The following DMD variants were observed in gnomAD, a reference collection of about 807,000 sequenced individuals.
DMD encodes the protein mutant dystrophin.
A neutral mutation model predicts 330.1 loss-of-function variants in DMD; 63 were observed. The ratio of observed to expected loss-of-function variants is 0.19; its 90% CI spans 0.16 to 0.24. The LOEUF (loss-of-function observed/expected upper bound fraction) is 0.24, where lower values mean the gene tolerates loss of function less well. DMD is among the 10% of genes least tolerant of loss of function. The pLI is 1.00. For missense variants in DMD, 3,344 were observed against 2,684.1 expected, an observed-to-expected ratio of 1.25 and a Z score of -5.43; for synonymous variants, 1,223 against 959.8, an observed-to-expected ratio of 1.27 and a Z score of -5.07.
At chrX:33,263,822 G>A (rs60055566) in intron 1 of DMD, among the ~76,000 whole-genome samples, 219 of 110,394 alleles carry the variant, frequency 2.0e-3, no homozygotes, top group African/African-American at 6.9e-3. Context: ...TGCTTTGCAC[G>A]TCTGGGAAAC....
rs2076125938 is a variant in DMD, at chrX:31,576,837, C to T, written c.8217+50836G>A. 6.5e-5 allele frequency among the ~76,000 whole-genome samples: 7 copies of T among 108,346 alleles called. No homozygotes were observed. In the South Asian group the frequency reaches 2.8e-3, roughly 44 times the overall value. The allele number at this position is 108,346 out of a possible 115,157, so 94.1% of individuals were successfully genotyped here. A position where few individuals can be genotyped will look rare whatever the true frequency, so the allele number is the denominator to read the frequency against. ...AATCTTGGCTCACTGCAAGCTCTGC[C>T]TCCTGAGTAGTGGGACTACAGGCGC... On this transcript the variant is annotated intron_variant, in intron 55 of 78. Coordinates refer to ENST00000357033, the MANE Select transcript of DMD (RefSeq NM_004006.3).
chrX:31,307,689 T>A (rs1379957380), intron 62 of DMD, among the ~76,000 whole-genome samples: 5 of 112,121 alleles, frequency 4.5e-5, no homozygotes, highest in African/African-American at 1.6e-4. Context: ...TTTGTATGTG[T>A]CTGGTAATGA....
chrX:32,331,256 C>G (rs2097677976), intron 41 of DMD, among the ~76,000 whole-genome samples: 1 of 111,536 alleles, frequency 9.0e-6, no homozygotes, highest in Admixed American at 9.6e-5. Context: ...TCCATAGTCA[C>G]AATGAGAAGT....
intron 2 of DMD, among the ~76,000 whole-genome samples, chrX:32,924,450 A>C (rs1307647003): frequency 9.0e-6 from 1 of 111,504 alleles, no homozygotes. Flanking sequence ...ATCTGAGCCC[A>C]GGAATTCAAG....
intron 62 of DMD, among the ~76,000 whole-genome samples, chrX:31,293,181 T>TGTGTGTGTGTGTAGTCTGGTTTA: frequency 1.1e-5 from 1 of 87,958 alleles, no homozygotes; most frequent in Admixed American, 1.3e-4. Context: ...TGTGTGTGTG[T>TGTGTGTGTGTGTAGTCTGGTTTA]GTGTGTGTGT....
chrX:32,382,247 A>T (rs888969089), intron 33 of DMD, among the ~76,000 whole-genome samples: 14 of 111,553 alleles, frequency 1.3e-4, no homozygotes, highest in African/African-American at 4.2e-4. Flanking sequence ...GATTAATTTC[A>T]ATTGTAATGG....
intron 11 of DMD, among the ~76,000 whole-genome samples, chrX:32,643,149 T>C (rs764222310): frequency 9.0e-6 from 1 of 111,236 alleles, no homozygotes; most frequent in East Asian, 2.8e-4. Context: ...ATAATATCAA[T>C]ATGCATAGAT....
chrX:32,557,933 C>T (rs1318053424), intron 16 of DMD, among the ~76,000 whole-genome samples: 1 of 109,267 alleles, frequency 9.2e-6, no homozygotes, highest in African/African-American at 3.3e-5. Context: ...TTTATTATTA[C>T]AATAATTTAA....
intron 7 of DMD, among the ~76,000 whole-genome samples, chrX:32,804,178 G>C (rs1269871943): frequency 9.0e-6 from 1 of 111,620 alleles, no homozygotes; most frequent in Non-Finnish European, 1.9e-5. Flanking sequence ...AAGTGGTCAA[G>C]TTCAGCAGAT....
chrX:31,709,580 CTG>C lies in DMD; in HGVS notation c.7660+20049_7660+20050del, dbSNP rs1242215099. Among the ~76,000 whole-genome samples, 268 of 79,401 alleles carry C rather than the reference CTG, an allele frequency of 3.4e-3. 1 individual carries two copies. The highest frequency in any genetic ancestry group is 0.013 in the African/African-American group (235 of 18,671). The allele number at this position is 79,401 out of a possible 115,157, so 69.0% of individuals were successfully genotyped here. ...GCTCTCTCTCTCTCTCTCTCTCTCT[CTG>C]TCTGTGTGTGTGTGTGTGTGTGTGT... On this transcript the variant is annotated intron_variant, in intron 52 of 78. Transcript: ENST00000357033.
chrX:31,905,810 T>C (rs1190938398), intron 47 of DMD, among the ~76,000 whole-genome samples: 3 of 112,103 alleles, frequency 2.7e-5, no homozygotes, highest in Non-Finnish European at 3.8e-5. Context: ...TGTTGATGAA[T>C]GCACAGTTTA....
chrX:31,177,568 T>A (rs1841900721), intron 71 of DMD, among the ~76,000 whole-genome samples: 2 of 111,780 alleles, frequency 1.8e-5, no homozygotes, highest in South Asian at 7.5e-4. Flanking sequence ...TGTTATTATG[T>A]AATCAGAAGC....
intron 41 of DMD, among the ~76,000 whole-genome samples, chrX:32,338,016 G>A (rs1233019309): frequency 9.0e-6 from 1 of 111,410 alleles, no homozygotes; most frequent in Admixed American, 9.6e-5. Flanking sequence ...CTTAGTTTTT[G>A]TTCAGGTGAA....
intron 1 of DMD, among the ~76,000 whole-genome samples, chrX:33,267,183 A>G (rs1179694690): frequency 9.0e-6 from 1 of 111,406 alleles, no homozygotes; most frequent in Non-Finnish European, 1.9e-5. Context: ...TTTTTATAGT[A>G]AAACATATAA....
intron 44 of DMD, among the ~76,000 whole-genome samples, chrX:32,000,977 C>T (rs1221792692): frequency 9.0e-6 from 1 of 110,820 alleles, no homozygotes; most frequent in Non-Finnish European, 1.9e-5. Context: ...ACAACGGGCA[C>T]ATATAAGTGC....
chrX:31,463,834 C>T (rs777864789), intron 59 of DMD, among the ~76,000 whole-genome samples: 6 of 111,331 alleles, frequency 5.4e-5, no homozygotes, highest in Non-Finnish European at 9.4e-5. Context: ...ATCTATACAA[C>T]TCTCAATATA....
intron 71 of DMD, among the ~76,000 whole-genome samples, chrX:31,174,588 T>G (rs975986303): frequency 1.4e-4 from 16 of 111,469 alleles, no homozygotes; most frequent in Admixed American, 8.6e-4. Flanking sequence ...CAGAAAGCCC[T>G]TAGGTAAAGG....
chrX:32,634,691 T>A (rs1156833779), intron 11 of DMD, among the ~76,000 whole-genome samples: 1 of 111,796 alleles, frequency 8.9e-6, no homozygotes, highest in Non-Finnish European at 1.9e-5. Context: ...TATCCTATTG[T>A]ATGTCTGAGC....
intron 40 of DMD, 108 bp from the exon 41 acceptor site, chrX:32,342,390 T>C (rs2097748336): frequency 1.2e-6 from 1 of 825,878 alleles, no homozygotes; most frequent in South Asian, 2.4e-5. Flanking sequence ...TGTCCCTTTA[T>C]TGTCATCCTT....
Sources: gnomAD v4.1 joint callset for allele counts (sites outside exome capture counted in the v4.1 genomes callset) on GRCh38, gnomAD v4.1.1 for gene constraint, MANE v1.5 for transcripts, NCBI Gene and HGNC (gene_info 2026-07-23, HGNC 2026-07-21) for gene names.